Variants in TMEM108 observed in about 807,000 individuals in gnomAD.
TMEM108 encodes the protein cancer/testis antigen 124.
Under a neutral mutation model 35.1 loss-of-function variants are expected in TMEM108, and 12 were observed. That is an observed-to-expected ratio of 0.34 (90% CI 0.22 to 0.55). TMEM108 has a LOEUF of 0.55. Among genes scored for constraint, TMEM108 ranks in the 20% least tolerant of loss-of-function variants. The pLI is 0.89. For synonymous variants in TMEM108, 287 were observed against 308.6 expected (o/e 0.93, Z 0.73); for missense variants, 680 against 753.3 (o/e 0.90, Z 1.14).
At position 133,279,486 on chromosome 3, in the gene TMEM108, G is replaced by A. The variant is rs111746661; in HGVS notation, c.40+50135G>A. On this transcript the variant is annotated intron_variant, in intron 3 of 5. Coordinates refer to ENST00000321871, the MANE Select transcript of TMEM108 (RefSeq NM_023943.4). The stretch of plus-strand genomic sequence containing the variant: ...CCTAAATGACCCTGCTCACCCTTGG[G>A]TAGGTTAAAGGAAAATATTCTGGGG... Among the ~76,000 whole-genome samples the A allele has an allele frequency of 2.2e-3, 333 of 152,324 alleles. 1 individual carries two copies. The highest frequency in any genetic ancestry group is 7.5e-3 in the African/African-American group (312 of 41,564).
chr3:133,149,309 T>G (rs970564317), intron 2 of TMEM108, among the ~76,000 whole-genome samples: 1 of 152,226 alleles, frequency 6.6e-6, no homozygotes, highest in African/African-American at 2.4e-5. Context: ...GTGAAGTGAT[T>G]ACCAAATCAA....
At chr3:133,192,704 T>G (rs938541832) in intron 2 of TMEM108, 1 of 152,306 alleles carries the variant, frequency 6.6e-6, no homozygotes, top group African/African-American at 2.4e-5. Flanking sequence ...GGACATTTCC[T>G]GTGGGGAGTT....
chr3:133,380,203 G>GC lies in TMEM108; in HGVS notation c.498dup (p.Arg167GlnfsTer12). 1 of 1,610,670 alleles carries GC rather than the reference G, an allele frequency of 6.2e-7. No homozygotes were observed. Among genetic ancestry groups the GC allele is most frequent in the Non-Finnish European group, 8.5e-7 (1 of 1,178,226 alleles). On this transcript the variant is annotated frameshift_variant, in exon 4 of 6. Coordinates refer to ENST00000321871, the MANE Select transcript of TMEM108 (RefSeq NM_023943.4). LOFTEE classifies it high-confidence loss of function. This position sits in a 1 kb window ranked among gnomAD's most constrained non-coding sequence, Gnocchi z 5.3. ...CGCCCCCCCGCACTACCACACGCAG[G>GC]CCCCCCAGGCCCCCAGGCTCTTCCC...
chr3:133,201,740 G>A (rs1945669436), intron 2 of TMEM108, among the ~76,000 whole-genome samples: 1 of 152,138 alleles, frequency 6.6e-6, no homozygotes, highest in Non-Finnish European at 1.5e-5. Context: ...TTGCTGCTGT[G>A]AATAGTGCCG....
intron 2 of TMEM108, among the ~76,000 whole-genome samples, chr3:133,199,805 G>A (rs539050978): frequency 2.6e-5 from 4 of 152,280 alleles, no homozygotes; most frequent in Admixed American, 2.6e-4. Flanking sequence ...GTCAGACTGG[G>A]ACGTTTAAGT....
rs1288542562 is a variant in TMEM108 at position 133,397,018 on chromosome 3, C to T, written c.*1032C>T. 2.6e-5 allele frequency: 4 copies of T among 152,198 alleles called. No individual in the cohort carries two copies. The highest frequency in any genetic ancestry group is 5.9e-5 in the Non-Finnish European group (4 of 68,038). 9.4% of individuals were successfully genotyped at this position (152,198 alleles called of 1,614,324 possible). A position where few individuals can be genotyped will look rare whatever the true frequency, so the allele number is the denominator to read the frequency against. On this transcript the variant is annotated 3_prime_UTR_variant, in exon 6 of 6. Transcript: ENST00000321871. ...GGGAGAAGACATCATTATACTCCTA[C>T]TTGGCACTGCAAACCTGCTCGCAGC...
chr3:133,389,170 G>A, intron 4 of TMEM108: 1 of 985,604 alleles, frequency 1.0e-6, no homozygotes, highest in Middle Eastern at 5.2e-4. Flanking sequence ...CCACCTCTCT[G>A]ACCTCAGAAG....
At chr3:133,155,100 C>T (rs952016862) in intron 2 of TMEM108, among the ~76,000 whole-genome samples, 11 of 152,062 alleles carry the variant, frequency 7.2e-5, no homozygotes, top group Non-Finnish European at 1.5e-4. Flanking sequence ...TAAGTGAGAA[C>T]ATGTGGTATT....
chr3:133,382,100 T>TA (rs2073028990), intron 4 of TMEM108, among the ~76,000 whole-genome samples: 1 of 152,228 alleles, frequency 6.6e-6, no homozygotes, highest in Admixed American at 6.5e-5. Context: ...TTATGATTCT[T>TA]AGAGTTTCTC....
intron 2 of TMEM108, among the ~76,000 whole-genome samples, chr3:133,194,983 T>C (rs796824023): frequency 1.3e-5 from 2 of 152,232 alleles, no homozygotes; most frequent in South Asian, 4.1e-4. Context: ...ACATCCATTA[T>C]GTAAATCATG....
chr3:133,168,705 C>G (rs567729458), intron 2 of TMEM108, among the ~76,000 whole-genome samples: 1 of 152,192 alleles, frequency 6.6e-6, no homozygotes, highest in African/African-American at 2.4e-5. Flanking sequence ...GAGCCAGCAG[C>G]GGCAACCCAC....
chr3:133,294,031 C>T (rs1309786264), intron 3 of TMEM108, among the ~76,000 whole-genome samples: 1 of 152,184 alleles, frequency 6.6e-6, no homozygotes, highest in Non-Finnish European at 1.5e-5. Context: ...TTTGTTATGA[C>T]TGAATATTAA....
intron 3 of TMEM108, among the ~76,000 whole-genome samples, chr3:133,308,713 A>G (rs919638170): frequency 1.3e-4 from 20 of 152,224 alleles, no homozygotes; most frequent in Non-Finnish European, 2.8e-4. Context: ...GGTGAAGCCT[A>G]CTTGATCGTG....
intron 4 of TMEM108, among the ~76,000 whole-genome samples, chr3:133,384,914 G>C (rs1297531727): frequency 6.6e-6 from 1 of 152,222 alleles, no homozygotes; most frequent in East Asian, 1.9e-4. Flanking sequence ...ACCAACTCAA[G>C]TTCACCCTGG....
intron 2 of TMEM108, among the ~76,000 whole-genome samples, chr3:133,198,077 G>A (rs1250085250): frequency 6.6e-6 from 1 of 152,186 alleles, no homozygotes; most frequent in East Asian, 1.9e-4. Context: ...TCATGCCCCT[G>A]AGGTACAAGA....
chr3:133,307,520 C>A (rs999975324), intron 3 of TMEM108, among the ~76,000 whole-genome samples: 1 of 152,110 alleles, frequency 6.6e-6, no homozygotes, highest in Non-Finnish European at 1.5e-5. Flanking sequence ...ACATTTAAGT[C>A]TTTAGTCCAT....
intron 3 of TMEM108, among the ~76,000 whole-genome samples, chr3:133,371,148 T>A (rs957377591): frequency 6.6e-6 from 1 of 152,194 alleles, no homozygotes. Context: ...TCCAGAGTGG[T>A]CACTGAAAGA....
intron 2 of TMEM108, among the ~76,000 whole-genome samples, chr3:133,096,331 A>G (rs1024020962): frequency 2.6e-5 from 4 of 152,100 alleles, no homozygotes; most frequent in African/African-American, 7.2e-5. Flanking sequence ...GCTAATTTTT[A>G]AAAAATTTTT....
chr3:133,342,039 C>T lies in TMEM108; in HGVS notation c.41-37713C>T, dbSNP rs542348690. ...AAAGCAAAAAGAACAAATGGGATCA[C>T]TTCAAGTTAAAAAGCATCTGCACAG... On this transcript the variant is annotated intron_variant, in intron 3 of 5. Transcript: ENST00000321871. Among the ~76,000 whole-genome samples, 22 of 151,790 alleles carry T rather than the reference C, an allele frequency of 1.4e-4. No individual in the cohort carries two copies. The East Asian group carries it at 4.1e-3, about 28-fold the overall frequency.
Sources: allele counts gnomAD v4.1 joint callset (sites outside exome capture counted in the v4.1 genomes callset), GRCh38; gene constraint gnomAD v4.1.1; non-coding constraint Gnocchi (gnomAD v3.1); transcripts MANE v1.5; gene names NCBI Gene and HGNC (gene_info 2026-07-23, HGNC 2026-07-21).